Variants in MLLT3 observed in about 807,000 individuals in gnomAD.
MLLT3 encodes the protein MLLT3 super elongation complex subunit.
MLLT3 carries 4 observed loss-of-function variants against 53.2 expected under a neutral mutation model. That is an observed-to-expected ratio of 0.08 (90% CI 0.04 to 0.17). The LOEUF is 0.17. Ranked by LOEUF, MLLT3 falls within the 10% of genes least tolerant of loss-of-function variation. The probability of loss-of-function intolerance (pLI) is 1.00; values close to 1 mark genes in which losing one functional copy is unlikely to be tolerated. For synonymous variants in MLLT3, 283 were observed against 230.6 expected, an observed-to-expected ratio of 1.23 and a Z score of -2.06; for missense variants, 569 against 684.0, an observed-to-expected ratio of 0.83 and a Z score of 1.87.
intron 4 of MLLT3, among the ~76,000 whole-genome samples, chr9:20,429,371 A>G (rs1242888397): frequency 6.6e-6 from 1 of 152,160 alleles, no homozygotes; most frequent in Non-Finnish European, 1.5e-5. Context: ...CTGTCTCTTA[A>G]AAAACTAATA....
intron 8 of MLLT3, among the ~76,000 whole-genome samples, chr9:20,355,450 C>T (rs551261203): frequency 5.3e-5 from 8 of 152,282 alleles, no homozygotes; most frequent in Admixed American, 6.5e-5. Flanking sequence ...CTTGGTAAAA[C>T]GCCAAGTGCT....
At chr9:20,618,407 T>C (rs1421965234) in intron 2 of MLLT3, among the ~76,000 whole-genome samples, 2 of 152,222 alleles carry the variant, frequency 1.3e-5, no homozygotes, top group Non-Finnish European at 2.9e-5. Flanking sequence ...CTATTCCCAA[T>C]GAACAGAGAA....
chr9:20,414,725 G>C (rs1822829260), intron 4 of MLLT3, among the ~76,000 whole-genome samples: 1 of 152,132 alleles, frequency 6.6e-6, no homozygotes. Flanking sequence ...TGTCCTAGAA[G>C]ATACAAGGAT....
chr9:20,486,083 C>A (rs925898001), intron 2 of MLLT3, among the ~76,000 whole-genome samples: 2 of 152,080 alleles, frequency 1.3e-5, no homozygotes, highest in East Asian at 3.8e-4. Flanking sequence ...GTCAAGTCAT[C>A]CATTTCCTGA....
At chr9:20,549,067 G>T (rs1444575795) in intron 2 of MLLT3, among the ~76,000 whole-genome samples, 2 of 151,972 alleles carry the variant, frequency 1.3e-5, no homozygotes, top group Non-Finnish European at 2.9e-5. Context: ...CACACACCCG[G>T]GCCTGCCAAA....
At chr9:20,407,104 C>T (rs1330497606) in intron 5 of MLLT3, among the ~76,000 whole-genome samples, 1 of 152,150 alleles carries the variant, frequency 6.6e-6, no homozygotes. Flanking sequence ...AAAGCACAGC[C>T]TACATTTTGA....
At chr9:20,529,081 C>T (rs1818267138) in intron 2 of MLLT3, among the ~76,000 whole-genome samples, 1 of 152,178 alleles carries the variant, frequency 6.6e-6, no homozygotes. Context: ...TCTGACTGAA[C>T]ATTAAAATCA....
intron 2 of MLLT3, among the ~76,000 whole-genome samples, chr9:20,570,561 AC>A (rs1462764743): frequency 6.6e-6 from 1 of 152,194 alleles, no homozygotes. Flanking sequence ...TAACAACAAA[AC>A]AGATTTAGAC....
At chr9:20,586,962 G>T (rs180920691) in intron 2 of MLLT3, among the ~76,000 whole-genome samples, 196 of 152,112 alleles carry the variant, frequency 1.3e-3, no homozygotes, top group African/African-American at 4.6e-3. Flanking sequence ...ACAAAAGCAT[G>T]ATTCTTTCCT....
chr9:20,521,787 A>G (rs1818067203), intron 2 of MLLT3, among the ~76,000 whole-genome samples: 3 of 152,174 alleles, frequency 2.0e-5, no homozygotes, highest in African/African-American at 7.2e-5. Flanking sequence ...ATTGTTCGTG[A>G]TGCCATAAGC....
At chr9:20,584,494 G>A (rs931660516) in intron 2 of MLLT3, among the ~76,000 whole-genome samples, 1 of 152,116 alleles carries the variant, frequency 6.6e-6, no homozygotes, top group Non-Finnish European at 1.5e-5. Context: ...ATTTCACGCT[G>A]CTGGGAAGAA....
At chr9:20,413,591 G>T in intron 5 of MLLT3, 130 bp downstream of exon 5, 1 of 699,148 alleles carries the variant, frequency 1.4e-6, no homozygotes, top group Non-Finnish European at 2.3e-6. Flanking sequence ...GCATTTCTAG[G>T]CCAGATCTAC....
At chr9:20,437,063 A>G (rs1464154185) in intron 4 of MLLT3, among the ~76,000 whole-genome samples, 3 of 152,178 alleles carry the variant, frequency 2.0e-5, no homozygotes. Flanking sequence ...AGCATTTGAA[A>G]AAAAGGGCTG....
At chr9:20,455,991 T>A (rs991860834) in intron 3 of MLLT3, among the ~76,000 whole-genome samples, 1 of 148,680 alleles carries the variant, frequency 6.7e-6, no homozygotes, top group Admixed American at 6.8e-5. Flanking sequence ...CAGGCTGGAA[T>A]GCAGTAGTGC....
chr9:20,560,107 G>C (rs1563817581), intron 2 of MLLT3, among the ~76,000 whole-genome samples: 1 of 152,138 alleles, frequency 6.6e-6, no homozygotes, highest in Non-Finnish European at 1.5e-5. Context: ...AACATATTGT[G>C]AAGTTGACAT....
chr9:20,499,206 A>T (rs1480743948), intron 2 of MLLT3, among the ~76,000 whole-genome samples: 2 of 152,208 alleles, frequency 1.3e-5, no homozygotes, highest in Admixed American at 6.5e-5. Context: ...GACTTGGGCC[A>T]ACAGTAATCC....
chr9:20,489,766 TA>T (rs1824901344), intron 2 of MLLT3, among the ~76,000 whole-genome samples: 1 of 152,284 alleles, frequency 6.6e-6, no homozygotes, highest in South Asian at 2.1e-4. Flanking sequence ...GCTTCCTATA[TA>T]AACGGCAAGC....
chr9:20,507,850 T>C (rs1450303853), intron 2 of MLLT3, among the ~76,000 whole-genome samples: 1 of 151,678 alleles, frequency 6.6e-6, no homozygotes. Context: ...GGAAAGGTAC[T>C]CTTCACAATA....
chr9:20,396,069 C>G (rs947384545), intron 5 of MLLT3, among the ~76,000 whole-genome samples: 1 of 151,966 alleles, frequency 6.6e-6, no homozygotes, highest in Admixed American at 6.6e-5. Flanking sequence ...CTAATACATA[C>G]GAATACAGCA....
Sources: allele counts gnomAD v4.1 joint callset (sites outside exome capture counted in the v4.1 genomes callset), GRCh38; gene constraint gnomAD v4.1.1; transcripts MANE v1.5; gene names NCBI Gene and HGNC (gene_info 2026-07-23, HGNC 2026-07-21).